Variants in HEG1 observed in about 807,000 individuals in gnomAD.
HEG1 encodes the protein protein HEG homolog 1.
A neutral mutation model predicts 125.6 loss-of-function variants in HEG1; 56 were observed. The observed-to-expected ratio is 0.45, with a 90% CI of 0.36 to 0.56. HEG1 has a LOEUF of 0.56. Ranked by LOEUF, HEG1 falls within the 20% of genes least tolerant of loss-of-function variation. The probability of loss-of-function intolerance (pLI) is 0.00; values close to 1 mark genes in which losing one functional copy is unlikely to be tolerated. For missense variants in HEG1, 1,523 were observed against 1,670.0 expected (o/e 0.91, Z 1.53); for synonymous variants, 644 against 668.5 (o/e 0.96, Z 0.57).
At chr3:125,029,735 C>T (rs1170316398) in intron 1 of HEG1, among the ~76,000 whole-genome samples, 1 of 151,926 alleles carries the variant, frequency 6.6e-6, no homozygotes, top group African/African-American at 2.4e-5. Flanking sequence ...ATTAAAAATA[C>T]AAAAAAATTA....
chr3:125,036,132 C>T (rs1004298577), intron 1 of HEG1, among the ~76,000 whole-genome samples: 1 of 142,952 alleles, frequency 7.0e-6, no homozygotes, highest in Non-Finnish European at 1.5e-5. Flanking sequence ...ACTGTTTGAG[C>T]CTAGGAGGTC....
chr3:125,014,868 G>T, intron 5 of HEG1: 2 of 1,289,890 alleles, frequency 1.6e-6, no homozygotes, highest in South Asian at 2.5e-5. Flanking sequence ...GTTGGTGAGG[G>T]TGACAGACCG....
chr3:124,984,450 G>A (rs116011972), intron 14 of HEG1, among the ~76,000 whole-genome samples: 1,946 of 152,236 alleles, frequency 0.013, 44 homozygotes, highest in African/African-American at 0.045. Flanking sequence ...ATCACAAAAT[G>A]ACAATAACCA....
chr3:124,977,721 C>T lies in HEG1; in HGVS notation c.3821+138G>A, dbSNP rs999379464. The T allele has an allele frequency of 5.1e-5, 24 of 469,764 alleles. No individual in the cohort carries two copies. In the South Asian group the frequency reaches 1.3e-3, roughly 25 times the overall value. 29.1% of individuals were successfully genotyped at this position (469,764 alleles called of 1,614,324 possible). A position where few individuals can be genotyped will look rare whatever the true frequency, so the allele number is the denominator to read the frequency against. On this transcript the variant is annotated intron_variant, in intron 15 of 16. Coordinates refer to ENST00000311127, the MANE Select transcript of HEG1 (RefSeq NM_020733.2). ...CCAACTATCGTGAATTCCCTTTCTC[C>T]TTTTTTAAAAATGGGTTAGTCACAC...
intron 5 of HEG1, chr3:125,015,116 T>C (rs2107701701): frequency 1.3e-6 from 1 of 745,476 alleles, no homozygotes; most frequent in Admixed American, 3.7e-5. Context: ...GACGCTCCCC[T>C]GTACTTTTAG....
chr3:124,991,124 A>C, intron 12 of HEG1, 138 bp from the exon 13 acceptor site: 1 of 650,526 alleles, frequency 1.5e-6, no homozygotes. Flanking sequence ...AATGATCCTC[A>C]CTTAAATACT....
Position 125,029,164 on chromosome 3 carries a change from C to T in HEG1, c.610+31G>A, listed in dbSNP as rs372061303. ...TGTTTTCCAGGACTGGACACACATG[C>T]GTGAAATGCGCATCATCAGCACAAG... On this transcript the variant is annotated intron_variant, in intron 2 of 16. Coordinates refer to ENST00000311127, the MANE Select transcript of HEG1 (RefSeq NM_020733.2). 2.7e-5 allele frequency: 43 copies of T among 1,595,070 alleles called. 1 individual carries two copies. In the Admixed American group the frequency reaches 5.3e-4, roughly 20 times the overall value.
chr3:125,002,270 C>CTGTA lies in HEG1; in HGVS notation c.3339_3342dup (p.Val1115TyrfsTer6). ...TCTGTTACTTACCTAGAGGCGTGAACTGTAGATCGGATGTAACTAGGTAAC... is the reference window on the plus strand; with the variant it reads ...TCTGTTACTTACCTAGAGGCGTGAACTGTATGTAGATCGGATGTAACTAGGTAAC... On this transcript the variant is annotated frameshift_variant, in exon 10 of 17. Transcript: ENST00000311127. LOFTEE classifies it high-confidence loss of function. The CTGTA allele has an allele frequency of 6.2e-7, 1 of 1,613,434 alleles. No homozygotes were observed.
In HEG1 at chr3:124,968,424, AC is replaced by A. The variant is rs1936357924; in HGVS notation, c.*2227del. 6.6e-6 allele frequency: 1 copy of A among 152,196 alleles called. No individual in the cohort carries two copies. The highest frequency in any genetic ancestry group is 2.4e-5 in the African/African-American group (1 of 41,430). 9.4% of individuals were successfully genotyped at this position (152,196 alleles called of 1,614,324 possible). The stretch of plus-strand genomic sequence containing the variant: ...GTGCCTCCTTTTTTTCTCAGTTAGA[AC>A]AACAAAATAAAACACTCTTAATCCA... On this transcript the variant is annotated 3_prime_UTR_variant, in exon 17 of 17. Coordinates refer to ENST00000311127, the MANE Select transcript of HEG1 (RefSeq NM_020733.2).
At chr3:125,023,205 AAAAC>A (rs1053710428) in intron 3 of HEG1, among the ~76,000 whole-genome samples, 11 of 143,200 alleles carry the variant, frequency 7.7e-5, no homozygotes, top group African/African-American at 2.8e-4. Flanking sequence ...AACAAACAAA[AAAAC>A]AAACAAAAAC....
intron 3 of HEG1, among the ~76,000 whole-genome samples, chr3:125,024,871 TC>T (rs1937393782): frequency 6.6e-6 from 1 of 152,234 alleles, no homozygotes; most frequent in Non-Finnish European, 1.5e-5. Context: ...CCACCTCCTC[TC>T]CATGCCAGGC....
chr3:125,051,016 T>C lies in HEG1; in HGVS notation c.316+4559A>G, dbSNP rs185125277. Among the ~76,000 whole-genome samples the C allele has an allele frequency of 4.1e-3, 621 of 152,344 alleles. 6 individuals carry two copies. The highest frequency in any genetic ancestry group is 0.027 in the Middle Eastern group (8 of 294). ...GGTATTCATAACAACTGCCTCACAATGTCAGCCACTGCTCCACGTTCCCAG... is the reference window on the plus strand; with the variant it reads ...GGTATTCATAACAACTGCCTCACAACGTCAGCCACTGCTCCACGTTCCCAG... On this transcript the variant is annotated intron_variant, in intron 1 of 16. Transcript: ENST00000311127.
At chr3:125,014,017 T>G in intron 5 of HEG1, 27 bp from the exon 6 acceptor site, 1 of 1,556,404 alleles carries the variant, frequency 6.4e-7, no homozygotes, top group Non-Finnish European at 8.6e-7. Context: ...CAAAGTTAGG[T>G]CAAATAAAAG....
rs557505116 is a variant in HEG1 at position 125,000,522 on chromosome 3, C to T, written c.3517+1330G>A. Among the ~76,000 whole-genome samples the T allele has an allele frequency of 4.0e-5, 6 of 151,696 alleles. No individual in the cohort carries two copies. In the Middle Eastern group the frequency reaches 0.01, roughly 263 times the overall value. On this transcript the variant is annotated intron_variant, in intron 11 of 16. Coordinates refer to ENST00000311127, the MANE Select transcript of HEG1 (RefSeq NM_020733.2). ...GTAAAACCATAGAGTCTCAAAGTTT[C>T]GAGCATGATATAATGGGGCATGACC... is the stretch of plus-strand genomic sequence containing the variant.
At chr3:125,026,532 G>A (rs1023790402) in intron 3 of HEG1, among the ~76,000 whole-genome samples, 2 of 152,076 alleles carry the variant, frequency 1.3e-5, no homozygotes, top group African/African-American at 2.4e-5. Flanking sequence ...GCAAACTCCT[G>A]CATTATATCT....
At chr3:125,021,729 A>C (rs1233090315) in intron 3 of HEG1, among the ~76,000 whole-genome samples, 1 of 152,220 alleles carries the variant, frequency 6.6e-6, no homozygotes, top group African/African-American at 2.4e-5. Flanking sequence ...GGCCACCATA[A>C]GCCCTATGTT....
chr3:125,047,583 A>T (rs1937693678), intron 1 of HEG1, among the ~76,000 whole-genome samples: 1 of 152,184 alleles, frequency 6.6e-6, no homozygotes, highest in South Asian at 2.1e-4. Context: ...CTGGCAAAAG[A>T]TGATCCCTGA....
At chr3:125,000,512 C>T (rs1936984870) in intron 11 of HEG1, among the ~76,000 whole-genome samples, 1 of 152,118 alleles carries the variant, frequency 6.6e-6, no homozygotes, top group African/African-American at 2.4e-5. Flanking sequence ...ACCATAGAGT[C>T]TCAAAGTTTC....
At chr3:124,991,212 C>G (rs1936829382) in intron 12 of HEG1, among the ~76,000 whole-genome samples, 1 of 150,848 alleles carries the variant, frequency 6.6e-6, no homozygotes, top group African/African-American at 2.4e-5. Context: ...TGCAGTGGTG[C>G]CATCTTGGCT....
Sources: gnomAD v4.1 joint callset for allele counts (sites outside exome capture counted in the v4.1 genomes callset) on GRCh38, gnomAD v4.1.1 for gene constraint, MANE v1.5 for transcripts, NCBI Gene and HGNC (gene_info 2026-07-23, HGNC 2026-07-21) for gene names.